KIAA0825: variants seen among roughly 807,000 people sequenced by gnomAD.
KIAA0825 encodes KIAA0825, also known as uncharacterized protein KIAA0825.
KIAA0825 carries 119 observed loss-of-function variants against 147.6 expected under a neutral mutation model. That is an observed-to-expected ratio of 0.81 (90% CI 0.69 to 0.94). The LOEUF is 0.94. Among genes scored for constraint, KIAA0825 ranks in the 40% least tolerant of loss-of-function variants. The probability of loss-of-function intolerance (pLI) is 0.00; values close to 1 mark genes in which losing one functional copy is unlikely to be tolerated. For missense variants in KIAA0825, 1,381 were observed against 1,472.7 expected, an observed-to-expected ratio of 0.94 and a Z score of 1.02; for synonymous variants, 470 against 518.1, an observed-to-expected ratio of 0.91 and a Z score of 1.26.
intron 20 of KIAA0825, among the ~76,000 whole-genome samples, chr5:94,154,638 A>G (rs542324035): frequency 2.6e-5 from 4 of 152,144 alleles, no homozygotes; most frequent in Non-Finnish European, 5.9e-5. Flanking sequence ...ATCAAGTTCA[A>G]CCACTCTAGA....
chr5:94,179,909 T>C (rs1319728994), intron 20 of KIAA0825, among the ~76,000 whole-genome samples: 1 of 152,176 alleles, frequency 6.6e-6, no homozygotes, highest in Non-Finnish European at 1.5e-5. Context: ...TTCTTTCTTA[T>C]ATAATAATCA....
chr5:94,512,579 T>C lies in KIAA0825; in HGVS notation c.970+7669A>G, dbSNP rs540530638. Among the ~76,000 whole-genome samples, 7 of 140,232 alleles carry C rather than the reference T, an allele frequency of 5.0e-5. No homozygotes were observed. The South Asian group carries it at 1.3e-3, about 27-fold the overall frequency. The allele number at this position is 140,232 out of a possible 152,430, so 92.0% of individuals were successfully genotyped here. On this transcript the variant is annotated intron_variant, in intron 5 of 20. Transcript: ENST00000682413. ...GCATTCAAGACCAGCTTGGGCAACA[T>C]AGCAAGATCCTGTCTTAAAAAAAAA...
chr5:94,468,499 C>T (rs181460210), intron 10 of KIAA0825, among the ~76,000 whole-genome samples: 1 of 152,310 alleles, frequency 6.6e-6, no homozygotes, highest in East Asian at 1.9e-4. Flanking sequence ...CTGCACCATA[C>T]CACTTTCTCC....
intron 15 of KIAA0825, chr5:94,413,906 C>T (rs1753087724): frequency 1.3e-5 from 2 of 152,138 alleles, no homozygotes; most frequent in South Asian, 4.1e-4. Flanking sequence ...TATGTGAAAG[C>T]TTACATTTAA....
chr5:94,429,885 GTGCTCCAGA>G (rs1457160686), intron 14 of KIAA0825, among the ~76,000 whole-genome samples: 19 of 152,216 alleles, frequency 1.2e-4, no homozygotes, highest in Non-Finnish European at 4.4e-5. Flanking sequence ...AGGAGAGTGG[GTGCTCCAGA>G]TGCCTGGAGC....
intron 14 of KIAA0825, among the ~76,000 whole-genome samples, chr5:94,433,581 C>A (rs1450184477): frequency 6.6e-6 from 1 of 152,132 alleles, no homozygotes; most frequent in African/African-American, 2.4e-5. Flanking sequence ...AATTTGAAAG[C>A]CAGCTGCCTG....
At chr5:94,290,752 A>G (rs1208996054) in intron 20 of KIAA0825, among the ~76,000 whole-genome samples, 4 of 152,212 alleles carry the variant, frequency 2.6e-5, no homozygotes, top group African/African-American at 9.6e-5. Context: ...TCCCACCAAC[A>G]GTGTAAAAGC....
At chr5:94,470,904 A>G (rs779747035) in intron 9 of KIAA0825, among the ~76,000 whole-genome samples, 7 of 152,198 alleles carry the variant, frequency 4.6e-5, no homozygotes, top group Non-Finnish European at 4.4e-5. Context: ...CCATATGATA[A>G]TTAATGCCTG....
At chr5:94,245,519 C>G (rs1046231830) in intron 20 of KIAA0825, among the ~76,000 whole-genome samples, 1 of 152,054 alleles carries the variant, frequency 6.6e-6, no homozygotes, top group Non-Finnish European at 1.5e-5. Context: ...TCCTCTTTAC[C>G]CCTTTCTCCC....
At chr5:94,200,132 C>G (rs1771527994) in intron 20 of KIAA0825, among the ~76,000 whole-genome samples, 1 of 152,182 alleles carries the variant, frequency 6.6e-6, no homozygotes, top group African/African-American at 2.4e-5. Context: ...CTTGTAGGCT[C>G]CATGCAAACT....
rs374511371 is a variant in KIAA0825, at chr5:94,534,440, T to C, written c.131+2556A>G. On this transcript the variant is annotated intron_variant, in intron 3 of 20. Transcript: ENST00000682413. Reference sequence around the variant, plus strand: ...TGAATTTGATGAAAAATAGACTTGATTCTAAATGTAGTATACAGCACATAG... The same window carrying C: ...TGAATTTGATGAAAAATAGACTTGACTCTAAATGTAGTATACAGCACATAG... Among the ~76,000 whole-genome samples the C allele has an allele frequency of 1.1e-4, 17 of 152,312 alleles. No homozygotes were observed. The East Asian group carries it at 1.7e-3, about 16-fold the overall frequency.
chr5:94,306,362 T>C (rs541289387), intron 20 of KIAA0825, among the ~76,000 whole-genome samples: 21 of 151,934 alleles, frequency 1.4e-4, no homozygotes, highest in Admixed American at 5.3e-4. Context: ...AGATGATACA[T>C]TGGAAAAGAT....
intron 20 of KIAA0825, among the ~76,000 whole-genome samples, chr5:94,162,055 T>G (rs1040743854): frequency 6.6e-6 from 1 of 152,200 alleles, no homozygotes; most frequent in Non-Finnish European, 1.5e-5. Flanking sequence ...CTGTTCTTGA[T>G]TCAGCCTCTA....
intron 13 of KIAA0825, among the ~76,000 whole-genome samples, chr5:94,449,637 C>A (rs892496215): frequency 1.2e-4 from 18 of 152,122 alleles, no homozygotes; most frequent in African/African-American, 4.3e-4. Context: ...CAAGAAATAA[C>A]AACAGCTGGA....
chr5:94,311,251 TTTG>T (rs985019736), intron 20 of KIAA0825, among the ~76,000 whole-genome samples: 6 of 151,310 alleles, frequency 4.0e-5, no homozygotes, highest in Non-Finnish European at 3.0e-5. Context: ...GGGTTTTTTT[TTTG>T]TTGTTGTTGT....
intron 6 of KIAA0825, among the ~76,000 whole-genome samples, chr5:94,482,495 C>G (rs1336371465): frequency 6.6e-6 from 1 of 152,054 alleles, no homozygotes; most frequent in Non-Finnish European, 1.5e-5. Flanking sequence ...CCGCTATTCT[C>G]TTCCTCACCA....
intron 20 of KIAA0825, among the ~76,000 whole-genome samples, chr5:94,283,639 T>C (rs1431416425): frequency 6.6e-6 from 1 of 152,182 alleles, no homozygotes; most frequent in Non-Finnish European, 1.5e-5. Flanking sequence ...AGATAAATTT[T>C]AGCTTACATT....
intron 2 of KIAA0825, among the ~76,000 whole-genome samples, chr5:94,572,987 T>A (rs1780253352): frequency 6.6e-6 from 1 of 152,102 alleles, no homozygotes; most frequent in African/African-American, 2.4e-5. Flanking sequence ...TCTCAGGAGG[T>A]CCTGAGAACA....
At chr5:94,434,333 A>G (rs373897388) in intron 14 of KIAA0825, among the ~76,000 whole-genome samples, 21 of 152,238 alleles carry the variant, frequency 1.4e-4, no homozygotes, top group Admixed American at 8.5e-4. Flanking sequence ...TGAAGCATAA[A>G]TTATAAATCC....
Sources: allele counts gnomAD v4.1 joint callset (sites outside exome capture counted in the v4.1 genomes callset), GRCh38; gene constraint gnomAD v4.1.1; transcripts MANE v1.5; gene names NCBI Gene and HGNC (gene_info 2026-07-23, HGNC 2026-07-21).